Variants in RBFOX1 observed in about 807,000 individuals in gnomAD.
The protein encoded by RBFOX1 is RNA binding fox-1 homolog 1.
Under a neutral mutation model 57.7 loss-of-function variants are expected in RBFOX1, and 8 were observed. The ratio of observed to expected loss-of-function variants is 0.14; its 90% CI spans 0.08 to 0.25. RBFOX1 has a LOEUF of 0.25. RBFOX1 is among the 10% of genes least tolerant of loss of function. The pLI is 1.00. For synonymous variants in RBFOX1, 326 were observed against 222.4 expected (o/e 1.47, Z -4.15); for missense variants, 611 against 548.5 (o/e 1.11, Z -1.14).
At chr16:5,386,498 T>C (rs2066261139) in intron 1 of RBFOX1, among the ~76,000 whole-genome samples, 1 of 152,016 alleles carries the variant, frequency 6.6e-6, no homozygotes, top group Admixed American at 6.5e-5. Flanking sequence ...TTTTCTGCTT[T>C]CCCCCCGTAA....
At chr16:6,903,527 T>A (rs2068995551) in intron 3 of RBFOX1, among the ~76,000 whole-genome samples, 1 of 152,182 alleles carries the variant, frequency 6.6e-6, no homozygotes, top group Non-Finnish European at 1.5e-5. Context: ...GGGGAAGCAC[T>A]TCAATAGGAT....
intron 4 of RBFOX1, among the ~76,000 whole-genome samples, chr16:7,074,462 C>G (rs572469987): frequency 3.5e-4 from 53 of 151,990 alleles, no homozygotes; most frequent in Non-Finnish European, 6.0e-4. Context: ...ATGTAAACAT[C>G]AGATTGTAAA....
intron 1 of RBFOX1, among the ~76,000 whole-genome samples, chr16:6,261,721 G>T (rs1426903413): frequency 6.6e-6 from 1 of 152,154 alleles, no homozygotes; most frequent in East Asian, 1.9e-4. Flanking sequence ...TTCAGTCCAG[G>T]CATGGTGGCT....
chr16:7,607,397 C>A, intron 10 of RBFOX1, 59 bp downstream of exon 10: 1 of 1,464,388 alleles, frequency 6.8e-7, no homozygotes, highest in Non-Finnish European at 9.5e-7. Flanking sequence ...GCTTTGCCTG[C>A]CAAGAATGAA....
intron 4 of RBFOX1, among the ~76,000 whole-genome samples, chr16:7,314,718 A>G (rs1472621268): frequency 6.6e-6 from 1 of 152,174 alleles, no homozygotes; most frequent in South Asian, 2.1e-4. Flanking sequence ...CCGTCCTTCT[A>G]TATCATCAAA....
intron 3 of RBFOX1, among the ~76,000 whole-genome samples, chr16:5,687,190 G>C (rs1310884639): frequency 6.6e-6 from 1 of 152,118 alleles, no homozygotes; most frequent in Non-Finnish European, 1.5e-5. Context: ...AGTGGAATAG[G>C]GGGAGACAAT....
intron 1 of RBFOX1, among the ~76,000 whole-genome samples, chr16:5,262,648 C>T (rs2062763931): frequency 6.6e-6 from 1 of 152,180 alleles, no homozygotes. Flanking sequence ...CTCTATCTCT[C>T]TGCTCTTTCT....
At chr16:6,875,817 G>T (rs892190674) in intron 3 of RBFOX1, among the ~76,000 whole-genome samples, 1 of 151,964 alleles carries the variant, frequency 6.6e-6, no homozygotes, top group Non-Finnish European at 1.5e-5. Context: ...CCAGTCTGGG[G>T]AACATGGTGA....
At chr16:5,949,211 G>C (rs2059467379) in intron 4 of RBFOX1, among the ~76,000 whole-genome samples, 1 of 152,036 alleles carries the variant, frequency 6.6e-6, no homozygotes, top group Non-Finnish European at 1.5e-5. Context: ...CTACTATACA[G>C]CCTGTGTCCA....
intron 3 of RBFOX1, among the ~76,000 whole-genome samples, chr16:6,960,153 T>G (rs8050448): frequency 0.68 from 102,771 of 151,796 alleles, 34,944 homozygotes; most frequent in African/African-American, 0.72. Flanking sequence ...GTTTTTTGGG[T>G]TTCTAAAGGA....
chr16:6,752,577 C>T (rs547638765), intron 3 of RBFOX1, among the ~76,000 whole-genome samples: 1 of 152,224 alleles, frequency 6.6e-6, no homozygotes, highest in South Asian at 2.1e-4. Context: ...ATACTCTTCA[C>T]TGAACTTTGT....
At chr16:5,720,542 G>A (rs1160474349) in intron 3 of RBFOX1, among the ~76,000 whole-genome samples, 1 of 152,118 alleles carries the variant, frequency 6.6e-6, no homozygotes, top group Non-Finnish European at 1.5e-5. Context: ...GTATTCCTAT[G>A]TCTTCTAAGG....
chr16:7,543,803 C>G (rs928989578), intron 5 of RBFOX1, among the ~76,000 whole-genome samples: 1 of 152,002 alleles, frequency 6.6e-6, no homozygotes, highest in Non-Finnish European at 1.5e-5. Context: ...TCACTGCAAC[C>G]TCTACCTCCT....
At chr16:5,698,172 A>T (rs1377110672) in intron 3 of RBFOX1, among the ~76,000 whole-genome samples, 2 of 152,228 alleles carry the variant, frequency 1.3e-5, no homozygotes, top group Non-Finnish European at 2.9e-5. Flanking sequence ...CTGTGTTGAT[A>T]AGTGAGAATG....
At chr16:7,426,859 G>T (rs375183691) in intron 4 of RBFOX1, among the ~76,000 whole-genome samples, 1 of 152,114 alleles carries the variant, frequency 6.6e-6, no homozygotes, top group Non-Finnish European at 1.5e-5. Context: ...ACATGAGGGT[G>T]CATCAGCATT....
chr16:6,145,257 G>T (rs910300148), intron 1 of RBFOX1, among the ~76,000 whole-genome samples: 1 of 151,976 alleles, frequency 6.6e-6, no homozygotes, highest in East Asian at 1.9e-4. Context: ...TCATCATTTA[G>T]CTCCCACTTA....
chr16:7,671,516 C>T (rs777955279), intron 13 of RBFOX1: 5 of 1,541,936 alleles, frequency 3.2e-6, no homozygotes, highest in South Asian at 2.3e-5. Context: ...TTATTTATTT[C>T]ATTTTTGCAT....
chr16:6,834,216 G>A (rs908219922), intron 3 of RBFOX1, among the ~76,000 whole-genome samples: 1 of 152,012 alleles, frequency 6.6e-6, no homozygotes, highest in Non-Finnish European at 1.5e-5. Context: ...TGGGATTACA[G>A]GTGCCCGCTA....
chr16:6,579,299 G>T (rs185652412), intron 2 of RBFOX1, among the ~76,000 whole-genome samples: 1 of 152,034 alleles, frequency 6.6e-6, no homozygotes, highest in South Asian at 2.1e-4. Flanking sequence ...GATCTACTGG[G>T]CTCAAGCAGT....
Sources: allele counts gnomAD v4.1 joint callset (sites outside exome capture counted in the v4.1 genomes callset), GRCh38; gene constraint gnomAD v4.1.1; transcripts MANE v1.5; gene names NCBI Gene and HGNC (gene_info 2026-07-23, HGNC 2026-07-21).